DOCK10: variants seen among roughly 807,000 people sequenced by gnomAD.
The protein encoded by DOCK10 is dedicator of cytokinesis 10.
Under a neutral mutation model 280.1 loss-of-function variants are expected in DOCK10, and 145 were observed. The ratio of observed to expected loss-of-function variants is 0.52; its 90% confidence interval spans 0.45 to 0.59. DOCK10 has a LOEUF of 0.59. Among genes scored for constraint, DOCK10 ranks in the 20% least tolerant of loss-of-function variants. The pLI is 0.00. For missense variants in DOCK10, 2,368 were observed against 2,651.7 expected (o/e 0.89, Z 2.35); for synonymous variants, 915 against 942.2 (o/e 0.97, Z 0.53).
chr2:224,796,251 C>G (rs975291693), intron 44 of DOCK10, 65 bp downstream of exon 44: 8 of 1,016,370 alleles, frequency 7.9e-6, no homozygotes, highest in South Asian at 1.4e-5. Context: ...TTTGATATCT[C>G]ACAAAAAGAA....
chr2:224,854,158 A>G (rs773404836), intron 16 of DOCK10, among the ~76,000 whole-genome samples: 3 of 152,148 alleles, frequency 2.0e-5, no homozygotes, highest in Non-Finnish European at 2.9e-5. Flanking sequence ...TGCAGTGGCA[A>G]TCCAAATATC....
At chr2:224,926,362 T>C (rs6714466) in intron 2 of DOCK10, among the ~76,000 whole-genome samples, 85,391 of 152,094 alleles carry the variant, frequency 0.56, 24,918 homozygotes, top group Non-Finnish European at 0.64. Context: ...TTGTCCCTTG[T>C]CTAGTAACAG....
At chr2:224,855,643 A>ACT (rs1019763675) in intron 15 of DOCK10, among the ~76,000 whole-genome samples, 2 of 151,230 alleles carry the variant, frequency 1.3e-5, no homozygotes, top group African/African-American at 4.9e-5. Flanking sequence ...TTTCCCTCCC[A>ACT]CTCTCTCTCT....
At chr2:224,829,321 T>C (rs2125383565) in intron 27 of DOCK10, among the ~76,000 whole-genome samples, 1 of 152,322 alleles carries the variant, frequency 6.6e-6, no homozygotes, top group Middle Eastern at 3.4e-3. Flanking sequence ...AAATGTATAA[T>C]TTGTATTAAT....
intron 1 of DOCK10, among the ~76,000 whole-genome samples, chr2:224,995,670 A>G (rs146809458): frequency 3.3e-5 from 5 of 152,328 alleles, no homozygotes; most frequent in Non-Finnish European, 7.4e-5. Context: ...TAAGTCATCA[A>G]TTGCTGGAGA....
In DOCK10 at chr2:224,805,660, A is replaced by G; in HGVS notation, c.3815-131T>C. ...CAGTGTTGTCAAAGACCAACATAAC[A>G]GCGTCTGGGATTGGCATTAAAGCCA... On this transcript the variant is annotated intron_variant, in intron 34 of 55. Transcript: ENST00000258390. This position sits in a 1 kb window ranked among gnomAD's most constrained non-coding sequence, Gnocchi z 4.3. 1 of 1,189,814 alleles carries G rather than the reference A, an allele frequency of 8.4e-7. No individual in the cohort carries two copies. The highest frequency in any genetic ancestry group is 1.2e-6 in the Non-Finnish European group (1 of 855,738). The allele number at this position is 1,189,814 out of a possible 1,614,324, so 73.7% of individuals were successfully genotyped here.
Position 224,913,813 on chromosome 2 carries a change from C to T in DOCK10, c.333+2882G>A, listed in dbSNP as rs182157684. ...CACAATCTCAGATCACTGCAAGCTCCGCCTCCCAGGTTCACACCATTCTCT... is the reference window on the plus strand; with the variant it reads ...CACAATCTCAGATCACTGCAAGCTCTGCCTCCCAGGTTCACACCATTCTCT... On this transcript the variant is annotated intron_variant, in intron 3 of 55. Transcript: ENST00000258390. Among the ~76,000 whole-genome samples, 520 of 152,180 alleles carry T rather than the reference C, an allele frequency of 3.4e-3. 9 individuals are homozygous for T. The highest frequency in any genetic ancestry group is 0.012 in the African/African-American group (495 of 41,514).
rs200245451 is a variant in DOCK10 at position 224,886,888 on chromosome 2, A to ACCCCCCC, written c.417-364_417-358dup. ...TCATGCTGCATGCAGCACCCCCAAC[A>ACCCCCCC]CCCCCCCAAGTAGTACCTGGGATTA... On this transcript the variant is annotated intron_variant, in intron 4 of 55. Transcript: ENST00000258390. Among the ~76,000 whole-genome samples, 84 of 142,524 alleles carry ACCCCCCC rather than the reference A, an allele frequency of 5.9e-4. 1 individual carries two copies. The highest frequency in any genetic ancestry group is 2.4e-3 in the African/African-American group (84 of 35,046). The allele number at this position is 142,524 out of a possible 152,430, so 93.5% of individuals were successfully genotyped here. A position where few individuals can be genotyped will look rare whatever the true frequency, so the allele number is the denominator to read the frequency against.
intron 1 of DOCK10, among the ~76,000 whole-genome samples, chr2:224,999,028 A>G (rs1262139627): frequency 6.6e-6 from 1 of 152,108 alleles, no homozygotes; most frequent in Non-Finnish European, 1.5e-5. Context: ...CTCTACTAAA[A>G]ATACAAAAGT....
Position 224,808,955 on chromosome 2 carries a change from C to T in DOCK10, c.3410-869G>A, listed in dbSNP as rs982051105. Reference sequence around the variant, plus strand: ...AGCAGAAACTGAGTGACAAGAGTAACTCACTAGGAAAAGTTGACTGAAGTA... The same window carrying T: ...AGCAGAAACTGAGTGACAAGAGTAATTCACTAGGAAAAGTTGACTGAAGTA... On this transcript the variant is annotated intron_variant, in intron 31 of 55. Coordinates refer to ENST00000258390, the MANE Select transcript of DOCK10 (RefSeq NM_014689.3). Among the ~76,000 whole-genome samples the T allele has an allele frequency of 3.9e-5, 6 of 152,074 alleles. No homozygotes were observed. In the South Asian group the frequency reaches 1.0e-3, roughly 26 times the overall value.
At chr2:225,009,250 T>C (rs556614847) in intron 1 of DOCK10, among the ~76,000 whole-genome samples, 2 of 152,310 alleles carry the variant, frequency 1.3e-5, no homozygotes, top group East Asian at 3.9e-4. Context: ...GTATTTAATT[T>C]TTCGCTAAGA....
intron 3 of DOCK10, 81 bp downstream of exon 3, chr2:224,916,614 A>T: frequency 1.1e-6 from 1 of 909,316 alleles, no homozygotes; most frequent in Non-Finnish European, 1.7e-6. Flanking sequence ...TGACAGGAAG[A>T]TAATAATAGT....
intron 48 of DOCK10, among the ~76,000 whole-genome samples, chr2:224,788,231 A>T (rs752200841): frequency 1.3e-5 from 2 of 152,132 alleles, no homozygotes; most frequent in Non-Finnish European, 2.9e-5. Flanking sequence ...GAGAGCAGGA[A>T]TTATGCCTTA....
intron 27 of DOCK10, among the ~76,000 whole-genome samples, chr2:224,823,961 G>T (rs1369970596): frequency 6.6e-6 from 1 of 151,984 alleles, no homozygotes; most frequent in Non-Finnish European, 1.5e-5. Flanking sequence ...CTTCTCTGTG[G>T]CCTCTCATAT....
At chr2:224,913,661 C>T (rs1235101126) in intron 3 of DOCK10, among the ~76,000 whole-genome samples, 1 of 152,180 alleles carries the variant, frequency 6.6e-6, no homozygotes, top group Non-Finnish European at 1.5e-5. Context: ...TAACTTCCCA[C>T]TTAAAAATGT....
At chr2:224,766,195 T>C (rs184845186) in intron 55 of DOCK10, among the ~76,000 whole-genome samples, 606 of 152,342 alleles carry the variant, frequency 4.0e-3, no homozygotes, top group Non-Finnish European at 6.3e-3. Flanking sequence ...TTAGAAATTT[T>C]ATTTAAATGT....
intron 1 of DOCK10, among the ~76,000 whole-genome samples, chr2:224,991,795 C>T (rs1575153213): frequency 6.6e-6 from 1 of 152,204 alleles, no homozygotes; most frequent in East Asian, 1.9e-4. Flanking sequence ...TACACAGTAT[C>T]TGGGACTAAT....
At chr2:224,864,148 AAGTG>A (rs1217721393) in intron 13 of DOCK10, among the ~76,000 whole-genome samples, 2 of 152,254 alleles carry the variant, frequency 1.3e-5, no homozygotes, top group African/African-American at 4.8e-5. Context: ...TTTCACCAAT[AAGTG>A]AGTATTTCAA....
In DOCK10 at chr2:224,770,149, G is replaced by T; in HGVS notation, c.6444+62C>A. 1 of 1,427,460 alleles carries T rather than the reference G, an allele frequency of 7.0e-7. No individual in the cohort carries two copies. Among genetic ancestry groups the T allele is most frequent in the Non-Finnish European group, 9.2e-7 (1 of 1,088,198 alleles). 88.4% of individuals were successfully genotyped at this position (1,427,460 alleles called of 1,614,324 possible). The stretch of plus-strand genomic sequence containing the variant: ...AAAGGGCCTCTTTCCTGTCCTTCTG[G>T]CATTGGGAGCGAAAGGGACTTTCTG... On this transcript the variant is annotated intron_variant, in intron 55 of 55. Coordinates refer to ENST00000258390, the MANE Select transcript of DOCK10 (RefSeq NM_014689.3). The surrounding 1 kb of genome is among the most constrained non-coding windows in gnomAD (Gnocchi z 4.5).
Sources: allele counts gnomAD v4.1 joint callset (sites outside exome capture counted in the v4.1 genomes callset), GRCh38; gene constraint gnomAD v4.1.1; non-coding constraint Gnocchi (gnomAD v3.1); transcripts MANE v1.5; gene names NCBI Gene and HGNC (gene_info 2026-07-23, HGNC 2026-07-21).